The following ZNF705G variants were observed in gnomAD, a reference collection of about 807,000 sequenced individuals.
ZNF705G encodes the protein zinc finger protein 705G.
ZNF705G carries 23 observed loss-of-function variants against 19.6 expected under a neutral mutation model. That is an observed-to-expected ratio of 1.17 (90% CI 0.84 to 1.66). The LOEUF (loss-of-function observed/expected upper bound fraction) is 1.66, where lower values mean the gene tolerates loss of function less well. ZNF705G is among the 40% of genes most tolerant of loss of function. The pLI is 0.00. For synonymous variants in ZNF705G, 146 were observed against 117.7 expected (o/e 1.24, Z -1.56); for missense variants, 457 against 354.4 (o/e 1.29, Z -2.32).
rs980058051 is a variant in ZNF705G at position 7,371,030 on chromosome 8, T to C, written c.-71-8013A>G. Among the ~76,000 whole-genome samples the C allele has an allele frequency of 1.1e-4, 15 of 133,640 alleles. 1 individual carries two copies. The highest frequency in any genetic ancestry group is 4.3e-4 in the African/African-American group (14 of 32,934). 87.7% of individuals were successfully genotyped at this position (133,640 alleles called of 152,430 possible). A position where few individuals can be genotyped will look rare whatever the true frequency, so the allele number is the denominator to read the frequency against. ...CAGAACGGTGAGAACACATGGATAT[T>C]AGGAGGGGAACAACACACACTGGGG... is the stretch of plus-strand genomic sequence containing the variant. On this transcript the variant is annotated intron_variant, in intron 2 of 6. Coordinates refer to ENST00000400156, the MANE Select transcript of ZNF705G (RefSeq NM_001164457.3).
Position 7,367,526 on chromosome 8 carries a change from A to C in ZNF705G, c.-71-4509T>G, listed in dbSNP as rs1806912325. ...TGGACATGCATATAACTCCCTAAAC[A>C]CAACGTGCATGCTCAATTTCAAAGG... On this transcript the variant is annotated intron_variant, in intron 2 of 6. Transcript: ENST00000400156. 1.3e-5 allele frequency among the ~76,000 whole-genome samples: 2 copies of C among 149,634 alleles called. 1 individual carries two copies. Among genetic ancestry groups the C allele is most frequent in the African/African-American group, 5.1e-5 (2 of 39,034 alleles).
At chr8:7,362,457 C>G (rs1314066797) in intron 3 of ZNF705G, among the ~76,000 whole-genome samples, 1 of 149,594 alleles carries the variant, frequency 6.7e-6, no homozygotes, top group Non-Finnish European at 1.5e-5. Context: ...GCTAGAACAT[C>G]AGACTCATTG....
At position 7,377,547 on chromosome 8, in the gene ZNF705G, CTCTCCCTG is replaced by C. The variant is rs1311251048; in HGVS notation, c.-72+3897_-72+3904del. On this transcript the variant is annotated intron_variant, in intron 2 of 6. Transcript: ENST00000400156. ...TTTAGGTTCTCTTTTTTCTCTCTCCCTCTCCCTGTCTCCCTGTCTCCCGTTCCCTCTCT... is the reference window on the plus strand; with the variant it reads ...TTTAGGTTCTCTTTTTTCTCTCTCCCTCTCCCTGTCTCCCGTTCCCTCTCT... The C allele has an allele frequency of 9.3e-6, 6 of 644,612 alleles. 1 individual carries two copies. In the East Asian group the frequency reaches 2.4e-4, roughly 26 times the overall value. 39.9% of individuals were successfully genotyped at this position (644,612 alleles called of 1,614,324 possible).
rs540649023 is a variant in ZNF705G, at chr8:7,368,825, C to A, written c.-71-5808G>T. On this transcript the variant is annotated intron_variant, in intron 2 of 6. Transcript: ENST00000400156. ...CAGCTCCAGCCATGGCTAAAAGGGCCCCAGACATTGTTTGGGCCACCGCTT... is the reference window on the plus strand; with the variant it reads ...CAGCTCCAGCCATGGCTAAAAGGGCACCAGACATTGTTTGGGCCACCGCTT... Among the ~76,000 whole-genome samples, 43 of 149,566 alleles carry A rather than the reference C, an allele frequency of 2.9e-4. 5 individuals are homozygous for A. The highest frequency in any genetic ancestry group is 1.0e-3 in the African/African-American group (40 of 38,980).
chr8:7,383,681 G>A (rs1309504509), intron 1 of ZNF705G, among the ~76,000 whole-genome samples: 1 of 149,198 alleles, frequency 6.7e-6, no homozygotes, highest in African/African-American at 2.6e-5. Context: ...AAGTCGTGGA[G>A]CTGAAGCCCT....
At chr8:7,361,268 G>C (rs771143767) in intron 3 of ZNF705G, 32 bp from the exon 4 acceptor site, 4 of 1,592,542 alleles carry the variant, frequency 2.5e-6, no homozygotes, top group Non-Finnish European at 3.4e-6. Flanking sequence ...AGTTTAGACA[G>C]AGAAATTCCT....
Position 7,358,275 on chromosome 8 carries a change from A to G in ZNF705G, c.604T>C (p.Cys202Arg), listed in dbSNP as rs780865071. 1.2e-6 allele frequency: 2 copies of G among 1,607,626 alleles called. No homozygotes were observed. The highest frequency in any genetic ancestry group is 2.8e-5 in the African/African-American group (2 of 71,262). ...MTHTGERPYA[C>R]HLCRKAFTQC... ...GTGAAGGCTTTTCTACATAGATGAC[A>G]TGCATATGGCCTCTCTCCAGTGTGA... Residue 202 changes from cysteine (C) to arginine (R), a missense_variant, in exon 7 of 7, where the codon TGT (cysteine) becomes CGT (arginine). Physicochemically the swap from Cys to Arg is radical, Grantham distance 180 (BLOSUM62 -3). Coordinates refer to ENST00000400156, the MANE Select transcript of ZNF705G (RefSeq NM_001164457.3).
chr8:7,363,548 T>C (rs1486351614), intron 2 of ZNF705G, among the ~76,000 whole-genome samples: 26 of 149,860 alleles, frequency 1.7e-4, no homozygotes, highest in Non-Finnish European at 5.9e-5. Flanking sequence ...GGGTGGAGTG[T>C]GGTGGCTCAC....
chr8:7,366,877 T>C (rs1304343141), intron 2 of ZNF705G, among the ~76,000 whole-genome samples: 2 of 149,696 alleles, frequency 1.3e-5, no homozygotes, highest in Non-Finnish European at 2.9e-5. Context: ...CATTGTCCAA[T>C]GCAGTAACTA....
rs1382986913 is a variant in ZNF705G at position 7,383,870 on chromosome 8, T to G, written c.-222+1628A>C. On this transcript the variant is annotated intron_variant, in intron 1 of 6. Transcript: ENST00000400156. ...AACTTCTGCTCTTTATAAGCCACCC[T>G]GTTTATATTACTTTTTAATAGCATC... Among the ~76,000 whole-genome samples, 431 of 144,184 alleles carry G rather than the reference T, an allele frequency of 3.0e-3. 15 individuals are homozygous for G. The highest frequency in any genetic ancestry group is 0.011 in the African/African-American group (377 of 34,992). The allele number at this position is 144,184 out of a possible 152,430, so 94.6% of individuals were successfully genotyped here.
intron 1 of ZNF705G, among the ~76,000 whole-genome samples, chr8:7,383,030 G>T (rs1296125611): frequency 5.4e-5 from 8 of 147,668 alleles, no homozygotes; most frequent in African/African-American, 1.1e-4. Context: ...AGAGCACTTG[G>T]TTTTTTGGAA....
chr8:7,361,838 T>A lies in ZNF705G; in HGVS notation c.13-602A>T, dbSNP rs563297645. ...GAAAGTAATGACCCAGACTCCAGCA[T>A]TCTTCAGAACTGAACAAGCTTTATG... On this transcript the variant is annotated intron_variant, in intron 3 of 6. Coordinates refer to ENST00000400156, the MANE Select transcript of ZNF705G (RefSeq NM_001164457.3). 4.4e-4 allele frequency among the ~76,000 whole-genome samples: 66 copies of A among 149,858 alleles called. 6 individuals carry two copies. The highest frequency in any genetic ancestry group is 3.4e-3 in the Middle Eastern group (1 of 292).
At chr8:7,362,496 A>C (rs191427433) in intron 3 of ZNF705G, among the ~76,000 whole-genome samples, 2 of 149,656 alleles carry the variant, frequency 1.3e-5, no homozygotes. Flanking sequence ...CTCTTCACTC[A>C]TCTCTATCGC....
chr8:7,358,882 T>C (rs1806429079), intron 6 of ZNF705G, among the ~76,000 whole-genome samples: 1 of 149,436 alleles, frequency 6.7e-6, no homozygotes, highest in Non-Finnish European at 1.5e-5. Flanking sequence ...AATTGCACCA[T>C]GGCAATGCAA....
At chr8:7,362,270 A>C (rs2128837350) in intron 3 of ZNF705G, among the ~76,000 whole-genome samples, 1 of 149,950 alleles carries the variant, frequency 6.7e-6, no homozygotes, top group Admixed American at 6.6e-5. Flanking sequence ...ACCAGAAGGC[A>C]AAAAGGTTAA....
intron 2 of ZNF705G, among the ~76,000 whole-genome samples, chr8:7,367,877 C>G (rs572385490): frequency 6.7e-6 from 1 of 149,924 alleles, no homozygotes; most frequent in African/African-American, 2.5e-5. Flanking sequence ...GGAATCTCTT[C>G]TACTGGTAAC....
chr8:7,379,845 C>T (rs1277640630), intron 2 of ZNF705G, among the ~76,000 whole-genome samples: 1 of 146,652 alleles, frequency 6.8e-6, no homozygotes, highest in African/African-American at 2.8e-5. Context: ...TGCCCCCAGA[C>T]ACAGGCAGCT....
At chr8:7,379,793 T>C (rs2128847315) in intron 2 of ZNF705G, among the ~76,000 whole-genome samples, 1 of 147,196 alleles carries the variant, frequency 6.8e-6, no homozygotes, top group South Asian at 2.1e-4. Context: ...TAGGTGATGG[T>C]CATTGTCCCA....
At chr8:7,358,692 T>G in intron 6 of ZNF705G, 132 bp from the exon 7 acceptor site, 14 of 1,449,926 alleles carry the variant, frequency 9.7e-6, no homozygotes, top group Non-Finnish European at 1.3e-5. Context: ...GTTTCTTGTG[T>G]GAAAGGAAAT....
Sources: gnomAD v4.1 joint callset for allele counts (sites outside exome capture counted in the v4.1 genomes callset) on GRCh38, gnomAD v4.1.1 for gene constraint, MANE v1.5 for transcripts, NCBI Gene and HGNC (gene_info 2026-07-23, HGNC 2026-07-21) for gene names.